CEP112: variants seen among roughly 807,000 people sequenced by gnomAD.
CEP112 encodes centrosomal protein 112.
Under a neutral mutation model 153.0 loss-of-function variants are expected in CEP112, and 127 were observed. The observed-to-expected ratio is 0.83, with a 90% CI of 0.72 to 0.96. CEP112 has a LOEUF of 0.96. Among genes scored for constraint, CEP112 ranks in the 40% least tolerant of loss-of-function variants. The pLI, the probability that CEP112 is intolerant of heterozygous loss-of-function variation, is 0.00. For missense variants in CEP112, 1,089 were observed against 1,101.2 expected (o/e 0.99, Z 0.16); for synonymous variants, 358 against 374.4 (o/e 0.96, Z 0.51).
intron 1 of CEP112, among the ~76,000 whole-genome samples, chr17:66,184,979 CA>C (rs1217550718): frequency 1.3e-5 from 2 of 152,076 alleles, no homozygotes; most frequent in Non-Finnish European, 2.9e-5. Flanking sequence ...AAGCCCTTCT[CA>C]AAAGGCTGCA....
intron 17 of CEP112, among the ~76,000 whole-genome samples, chr17:65,976,768 TC>T (rs1484535270): frequency 7.0e-6 from 1 of 143,374 alleles, no homozygotes; most frequent in Non-Finnish European, 1.5e-5. Context: ...ACAGAGAGTC[TC>T]ACTCTGTTGC....
Position 66,175,222 on chromosome 17 carries a change from T to C in CEP112, c.298-6A>G, listed in dbSNP as rs1167887097. 6 of 1,521,950 alleles carry C rather than the reference T, an allele frequency of 3.9e-6. No homozygotes were observed. The highest frequency in any genetic ancestry group is 5.3e-6 in the Non-Finnish European group (6 of 1,137,360). The allele number at this position is 1,521,950 out of a possible 1,614,324, so 94.3% of individuals were successfully genotyped here. Reference sequence around the variant, plus strand: ...GGTTCATCAAAATAGATGGACTGATTTTTTAAAATTAGAAAAATTATTCTT... The same window carrying C: ...GGTTCATCAAAATAGATGGACTGATCTTTTAAAATTAGAAAAATTATTCTT... On this transcript the variant is annotated splice_polypyrimidine_tract_variant and splice_region_variant and intron_variant, in intron 3 of 26. Coordinates refer to ENST00000535342, the MANE Select transcript of CEP112 (RefSeq NM_001199165.4).
intron 4 of CEP112, among the ~76,000 whole-genome samples, chr17:66,134,954 A>T (rs1188441007): frequency 1.3e-5 from 2 of 152,106 alleles, no homozygotes; most frequent in Non-Finnish European, 2.9e-5. Flanking sequence ...TCTGTGTCTA[A>T]TTTATTTTCA....
At chr17:65,986,015 T>C (rs2063394359) in intron 17 of CEP112, among the ~76,000 whole-genome samples, 1 of 152,096 alleles carries the variant, frequency 6.6e-6, no homozygotes, top group Non-Finnish European at 1.5e-5. Flanking sequence ...TATGCAACTG[T>C]AAAGAGAATT....
At chr17:66,154,299 G>A (rs1407118521) in intron 4 of CEP112, among the ~76,000 whole-genome samples, 1 of 152,078 alleles carries the variant, frequency 6.6e-6, no homozygotes, top group Non-Finnish European at 1.5e-5. Flanking sequence ...CAGATCACTT[G>A]AGGTCAAGAG....
chr17:66,052,670 G>A (rs184665024), intron 12 of CEP112, among the ~76,000 whole-genome samples: 3 of 152,224 alleles, frequency 2.0e-5, no homozygotes, highest in African/African-American at 4.8e-5. Flanking sequence ...TCTGGTTCCC[G>A]AGTTAATATG....
intron 23 of CEP112, among the ~76,000 whole-genome samples, chr17:65,722,260 G>GT (rs1241031063): frequency 2.0e-5 from 3 of 151,424 alleles, no homozygotes; most frequent in Non-Finnish European, 3.0e-5. Context: ...CTTTCTTTCT[G>GT]TTTTTTGAGA....
At chr17:65,871,201 G>C (rs1365651410) in intron 20 of CEP112, among the ~76,000 whole-genome samples, 2 of 152,148 alleles carry the variant, frequency 1.3e-5, no homozygotes, top group Admixed American at 1.3e-4. Context: ...GGAGAGTGCT[G>C]CCCCCTGTGA....
In CEP112 at chr17:65,636,983, T is replaced by C. The variant is rs1012284169; in HGVS notation, c.2864+141A>G. 101 of 651,814 alleles carry C rather than the reference T, an allele frequency of 1.5e-4. 1 individual carries two copies. In the South Asian group the frequency reaches 1.7e-3, roughly 11 times the overall value. The allele number at this position is 651,814 out of a possible 1,614,324, so 40.4% of individuals were successfully genotyped here. ...GAAGGGGGGTGACTTCTTAAAGACA[T>C]GCTACTTACTAAAAACAAGTCTTTT... On this transcript the variant is annotated intron_variant, in intron 26 of 26. Transcript: ENST00000535342.
At chr17:65,675,672 T>C (rs905823598) in intron 24 of CEP112, among the ~76,000 whole-genome samples, 2 of 151,736 alleles carry the variant, frequency 1.3e-5, no homozygotes, top group African/African-American at 2.4e-5. Context: ...GAAACATAGA[T>C]GCAAAAATCC....
intron 12 of CEP112, among the ~76,000 whole-genome samples, chr17:66,052,876 G>A (rs1254004128): frequency 6.6e-5 from 10 of 152,198 alleles, no homozygotes; most frequent in African/African-American, 1.9e-4. Flanking sequence ...GGAGGCCAAC[G>A]CGGGCAGATC....
chr17:65,990,698 A>T (rs1446507727), intron 17 of CEP112, among the ~76,000 whole-genome samples: 1 of 152,238 alleles, frequency 6.6e-6, no homozygotes, highest in Non-Finnish European at 1.5e-5. Context: ...CTTGAAGGGC[A>T]GTCTAGGCCA....
rs142714662 is a variant in CEP112 at position 65,757,231 on chromosome 17, G to C, written c.2395-6507C>G. 2.9e-3 allele frequency among the ~76,000 whole-genome samples: 436 copies of C among 152,264 alleles called. 1 individual carries two copies. The highest frequency in any genetic ancestry group is 0.01 in the African/African-American group (429 of 41,552). ...TAAGCCACCCAGTCTGTGGTGTTCT[G>C]TTATGGCAGCCCAAGCCAGCTACTA... On this transcript the variant is annotated intron_variant, in intron 21 of 26. Transcript: ENST00000535342.
intron 20 of CEP112, among the ~76,000 whole-genome samples, chr17:65,895,399 C>A (rs1158087808): frequency 6.6e-6 from 1 of 152,128 alleles, no homozygotes; most frequent in African/African-American, 2.4e-5. Flanking sequence ...CATAAAAACT[C>A]AGTGTTGTTG....
chr17:65,651,236 A>G (rs898199958), intron 24 of CEP112, among the ~76,000 whole-genome samples: 3 of 152,002 alleles, frequency 2.0e-5, no homozygotes, highest in African/African-American at 7.2e-5. Context: ...ATAGTCTCCA[A>G]CTCCATTCAG....
chr17:66,150,189 C>T (rs933687564), intron 4 of CEP112, among the ~76,000 whole-genome samples: 37 of 145,870 alleles, frequency 2.5e-4, no homozygotes, highest in African/African-American at 7.6e-4. Flanking sequence ...CGTGAGCCAC[C>T]GCGCCCGGCC....
At chr17:66,154,121 G>A (rs2071329414) in intron 4 of CEP112, among the ~76,000 whole-genome samples, 1 of 152,094 alleles carries the variant, frequency 6.6e-6, no homozygotes, top group African/African-American at 2.4e-5. Flanking sequence ...GGAGGTTGCA[G>A]TGAGCCAAGA....
intron 23 of CEP112, among the ~76,000 whole-genome samples, chr17:65,706,455 C>T (rs1345160072): frequency 6.6e-6 from 1 of 152,184 alleles, no homozygotes; most frequent in East Asian, 1.9e-4. Context: ...TTTAGTTACA[C>T]TTAACTTGGT....
At chr17:65,859,929 C>A (rs923503612) in intron 20 of CEP112, among the ~76,000 whole-genome samples, 3 of 148,432 alleles carry the variant, frequency 2.0e-5, no homozygotes, top group Non-Finnish European at 4.5e-5. Flanking sequence ...GCAGGAGAAT[C>A]TCTTTAACCC....
Sources: allele counts gnomAD v4.1 joint callset (sites outside exome capture counted in the v4.1 genomes callset), GRCh38; gene constraint gnomAD v4.1.1; transcripts MANE v1.5; gene names NCBI Gene and HGNC (gene_info 2026-07-23, HGNC 2026-07-21).